SSBP3: variants seen among roughly 807,000 people sequenced by gnomAD.
SSBP3 encodes the protein single stranded DNA binding protein 3.
SSBP3 carries 5 observed loss-of-function variants against 69.6 expected under a neutral mutation model. That is an observed-to-expected ratio of 0.07 (90% CI 0.04 to 0.15). The LOEUF (loss-of-function observed/expected upper bound fraction) is 0.15, where lower values mean the gene tolerates loss of function less well. Ranked by LOEUF, SSBP3 falls within the 10% of genes least tolerant of loss-of-function variation. The probability of loss-of-function intolerance (pLI) is 1.00; values close to 1 mark genes in which losing one functional copy is unlikely to be tolerated. For synonymous variants in SSBP3, 196 were observed against 193.4 expected (o/e 1.01, Z -0.11); for missense variants, 312 against 534.0 (o/e 0.58, Z 4.10).
At chr1:54,328,910 G>T (rs531469260) in intron 4 of SSBP3, among the ~76,000 whole-genome samples, 1 of 152,332 alleles carries the variant, frequency 6.6e-6, no homozygotes, top group East Asian at 1.9e-4. Flanking sequence ...GGGAGCCAGT[G>T]CTTGCCTGTC....
chr1:54,358,012 C>A (rs977326279), intron 4 of SSBP3, among the ~76,000 whole-genome samples: 1 of 152,220 alleles, frequency 6.6e-6, no homozygotes, highest in Non-Finnish European at 1.5e-5. Flanking sequence ...CCTTAATCCA[C>A]TCGTGGGCAG....
At chr1:54,403,231 G>A (rs1649431670) in intron 3 of SSBP3, among the ~76,000 whole-genome samples, 1 of 152,170 alleles carries the variant, frequency 6.6e-6, no homozygotes, top group Non-Finnish European at 1.5e-5. Flanking sequence ...AGGAGATTCT[G>A]GATATAACAG....
intron 4 of SSBP3, among the ~76,000 whole-genome samples, chr1:54,392,384 T>C (rs1191371015): frequency 6.6e-6 from 1 of 152,222 alleles, no homozygotes; most frequent in East Asian, 1.9e-4. Flanking sequence ...CTTCTGACTT[T>C]GCGTTGAGCC....
intron 5 of SSBP3, among the ~76,000 whole-genome samples, chr1:54,278,971 C>T (rs1312420364): frequency 6.6e-6 from 1 of 152,236 alleles, no homozygotes; most frequent in Admixed American, 6.5e-5. Context: ...TACCTCCTTC[C>T]AGAGAGATAC....
At chr1:54,260,252 G>A (rs1267745582) in intron 5 of SSBP3, among the ~76,000 whole-genome samples, 1 of 152,230 alleles carries the variant, frequency 6.6e-6, no homozygotes. Flanking sequence ...GTTGCCAAGA[G>A]GGGGCAAAAG....
intron 4 of SSBP3, among the ~76,000 whole-genome samples, chr1:54,302,423 T>C (rs1645819725): frequency 1.3e-5 from 2 of 152,004 alleles, no homozygotes; most frequent in Non-Finnish European, 2.9e-5. Flanking sequence ...GTGATTCTCC[T>C]GCCTCAGCCT....
At chr1:54,232,983 A>T (rs1644408320) in intron 14 of SSBP3, among the ~76,000 whole-genome samples, 1 of 152,122 alleles carries the variant, frequency 6.6e-6, no homozygotes, top group African/African-American at 2.4e-5. Flanking sequence ...CCGAGATTGC[A>T]GCCTCTGCCC....
At chr1:54,298,942 C>CACACACAG (rs1645751086) in intron 4 of SSBP3, among the ~76,000 whole-genome samples, 1 of 151,728 alleles carries the variant, frequency 6.6e-6, no homozygotes, top group South Asian at 2.1e-4. Context: ...CACACACACA[C>CACACACAG]ACACACACAC....
At chr1:54,352,129 C>T (rs1368553517) in intron 4 of SSBP3, among the ~76,000 whole-genome samples, 1 of 152,072 alleles carries the variant, frequency 6.6e-6, no homozygotes, top group East Asian at 1.9e-4. Flanking sequence ...GACCCTATCT[C>T]TACAAAACAA....
At chr1:54,241,548 C>T (rs1435420621) in intron 11 of SSBP3, 39 bp from the exon 12 acceptor site, 5 of 1,610,398 alleles carry the variant, frequency 3.1e-6, no homozygotes, top group Non-Finnish European at 4.2e-6. Flanking sequence ...GTCAGAGTCA[C>T]TGAGTGCCCT....
intron 4 of SSBP3, among the ~76,000 whole-genome samples, chr1:54,283,817 TG>T (rs1486355095): frequency 1.3e-5 from 2 of 152,202 alleles, no homozygotes; most frequent in African/African-American, 4.8e-5. Flanking sequence ...GCCCCTGCCT[TG>T]CCCCTGCCCG....
At chr1:54,296,701 TG>T (rs1179119396) in intron 4 of SSBP3, among the ~76,000 whole-genome samples, 1 of 152,216 alleles carries the variant, frequency 6.6e-6, no homozygotes, top group Non-Finnish European at 1.5e-5. Context: ...CTGCATCCCC[TG>T]GAACAGTGCC....
intron 5 of SSBP3, among the ~76,000 whole-genome samples, chr1:54,270,064 G>A (rs992603648): frequency 2.6e-5 from 4 of 152,210 alleles, no homozygotes; most frequent in African/African-American, 9.6e-5. Flanking sequence ...GTCAGCCTCT[G>A]GGAAGGAGCA....
intron 14 of SSBP3, among the ~76,000 whole-genome samples, chr1:54,235,738 GT>G (rs1247607125): frequency 3.9e-5 from 6 of 151,964 alleles, no homozygotes; most frequent in Non-Finnish European, 8.8e-5. Context: ...ATGAGCCACC[GT>G]GCCCGGCCAG....
At chr1:54,273,851 C>T (rs1413252565) in intron 5 of SSBP3, among the ~76,000 whole-genome samples, 1 of 152,244 alleles carries the variant, frequency 6.6e-6, no homozygotes, top group Non-Finnish European at 1.5e-5. Context: ...AGAGCCAAGT[C>T]AGTTTGGAAC....
At position 54,315,204 on chromosome 1, in the gene SSBP3, G is replaced by A. The variant is rs190549262; in HGVS notation, c.277-33677C>T. On this transcript the variant is annotated intron_variant, in intron 4 of 17. Coordinates refer to ENST00000610401, the Ensembl canonical transcript of SSBP3. Reference sequence around the variant, plus strand: ...GCACTGTCTGTACCCATTCCTCAAGGCCAAGGCTCTCTGGGCCACATAACT... The same window carrying A: ...GCACTGTCTGTACCCATTCCTCAAGACCAAGGCTCTCTGGGCCACATAACT... 1.8e-3 allele frequency among the ~76,000 whole-genome samples: 276 copies of A among 152,160 alleles called. 1 individual carries two copies. The highest frequency in any genetic ancestry group is 6.0e-3 in the African/African-American group (247 of 41,494).
chr1:54,228,938 C>T (rs774312460), intron 14 of SSBP3, 112 bp from the exon 15 acceptor site: 8 of 1,127,370 alleles, frequency 7.1e-6, no homozygotes, highest in South Asian at 4.1e-5. Context: ...ACCCCTGCTC[C>T]GGCAGGCTCT....
exon 9 of SSBP3, chr1:54,251,621 G>A: frequency 6.4e-7 from 1 of 1,551,574 alleles, no homozygotes; most frequent in Non-Finnish European, 8.7e-7. Flanking sequence ...GTTACCTGTG[G>A]GCCGGGACCC....
intron 4 of SSBP3, chr1:54,286,567 C>T (rs1645493780): frequency 6.6e-6 from 1 of 152,320 alleles, no homozygotes; most frequent in African/African-American, 2.4e-5. Flanking sequence ...AGGGACTACC[C>T]CTGCCTCTGC....
Sources: allele counts gnomAD v4.1 joint callset (sites outside exome capture counted in the v4.1 genomes callset), GRCh38; gene constraint gnomAD v4.1.1; transcripts MANE v1.5; gene names NCBI Gene and HGNC (gene_info 2026-07-23, HGNC 2026-07-21).